Variants in GPBP1 observed in about 807,000 individuals in gnomAD.
GPBP1 encodes the protein GC-rich promoter binding protein 1, also known as vasculin.
In GPBP1, 13 loss-of-function variants were observed where a neutral mutation model predicts 56.5. The observed-to-expected ratio is 0.23, with a 90% CI of 0.15 to 0.37. The LOEUF (loss-of-function observed/expected upper bound fraction) is 0.37, where lower values mean the gene tolerates loss of function less well. Among genes scored for constraint, GPBP1 ranks in the 10% least tolerant of loss-of-function variants. The pLI, the probability that GPBP1 is intolerant of heterozygous loss-of-function variation, is 1.00. For missense variants in GPBP1, 477 were observed against 572.3 expected, an observed-to-expected ratio of 0.83 and a Z score of 1.70; for synonymous variants, 204 against 188.9, an observed-to-expected ratio of 1.08 and a Z score of -0.66.
intron 2 of GPBP1, among the ~76,000 whole-genome samples, chr5:57,197,095 GTA>G (rs1754798160): frequency 6.6e-6 from 1 of 151,580 alleles, no homozygotes; most frequent in Non-Finnish European, 1.5e-5. Context: ...TTGAATTTTA[GTA>G]GAGACAGCGT....
intron 10 of GPBP1, among the ~76,000 whole-genome samples, chr5:57,253,749 G>T (rs1354997462): frequency 6.6e-6 from 1 of 151,702 alleles, no homozygotes; most frequent in East Asian, 1.9e-4. Flanking sequence ...TATTTCTCCT[G>T]CCAAGGGTTA....
intron 9 of GPBP1, 90 bp downstream of exon 9, chr5:57,249,666 C>T: frequency 9.5e-7 from 1 of 1,056,038 alleles, no homozygotes; most frequent in Non-Finnish European, 1.3e-6. Context: ...ACATTTGAAT[C>T]ATTTCCTTGG....
intron 2 of GPBP1, among the ~76,000 whole-genome samples, chr5:57,212,023 A>T (rs1387521246): frequency 6.6e-6 from 1 of 151,766 alleles, no homozygotes; most frequent in East Asian, 1.9e-4. Flanking sequence ...TGCAACCTCC[A>T]CTTCCCAGGT....
chr5:57,220,863 G>A (rs575032825), intron 3 of GPBP1, among the ~76,000 whole-genome samples: 2 of 152,004 alleles, frequency 1.3e-5, no homozygotes, highest in African/African-American at 2.4e-5. Flanking sequence ...TACCTTTTCT[G>A]TCTTATTCTT....
chr5:57,179,375 G>A (rs934240841), intron 2 of GPBP1, among the ~76,000 whole-genome samples: 1 of 151,880 alleles, frequency 6.6e-6, no homozygotes, highest in Non-Finnish European at 1.5e-5. Flanking sequence ...TTGAGACAGG[G>A]TCTCGCTCTC....
chr5:57,251,183 T>C (rs1214832511), intron 10 of GPBP1, 42 bp downstream of exon 10: 1 of 1,481,952 alleles, frequency 6.7e-7, no homozygotes, highest in African/African-American at 1.4e-5. Context: ...TTTTCTGTAT[T>C]CGAGATTTCA....
At chr5:57,179,379 C>T (rs1051404180) in intron 2 of GPBP1, among the ~76,000 whole-genome samples, 3 of 152,004 alleles carry the variant, frequency 2.0e-5, no homozygotes, top group Non-Finnish European at 4.4e-5. Context: ...GACAGGGTCT[C>T]GCTCTCTCAC....
rs1741952344 is a variant in GPBP1, at chr5:57,262,650, CT to C, written c.1322del (p.Phe441SerfsTer54). On this transcript the variant is annotated frameshift_variant, in exon 12 of 12. Transcript: ENST00000506184. LOFTEE classifies it high-confidence loss of function. ...GILKNGLICD[F>X]KFGPWKNSTF... ...TTTTGAAAAATGGCTTGATCTGTGA[CT>C]TCAAGTTTGGACCGTGGAAGAACAG... The C allele has an allele frequency of 6.2e-7, 1 of 1,613,458 alleles. No homozygotes were observed. Among genetic ancestry groups the C allele is most frequent in the Admixed American group, 1.7e-5 (1 of 59,962 alleles).
At chr5:57,252,020 G>GT (rs1013690678) in intron 10 of GPBP1, among the ~76,000 whole-genome samples, 2 of 152,138 alleles carry the variant, frequency 1.3e-5, no homozygotes, top group African/African-American at 2.4e-5. Context: ...TTACTAAGTT[G>GT]TAAGAGTTCT....
At chr5:57,183,071 T>TAATA (rs1561320315) in intron 2 of GPBP1, among the ~76,000 whole-genome samples, 1 of 152,074 alleles carries the variant, frequency 6.6e-6, no homozygotes. Context: ...AATAAGTTTT[T>TAATA]AAAACTCTTA....
chr5:57,203,496 AG>A (rs1755104183), intron 2 of GPBP1, among the ~76,000 whole-genome samples: 1 of 152,128 alleles, frequency 6.6e-6, no homozygotes, highest in Non-Finnish European at 1.5e-5. Context: ...AAATTTAGCC[AG>A]GCCCATGTGG....
intron 2 of GPBP1, among the ~76,000 whole-genome samples, chr5:57,178,774 C>T (rs1001874051): frequency 6.6e-6 from 1 of 152,134 alleles, no homozygotes; most frequent in Non-Finnish European, 1.5e-5. Context: ...ATAGTTGCAT[C>T]CGTTGGTAAT....
intron 2 of GPBP1, among the ~76,000 whole-genome samples, chr5:57,179,620 A>AC (rs1753952775): frequency 6.6e-6 from 1 of 152,012 alleles, no homozygotes; most frequent in African/African-American, 2.4e-5. Flanking sequence ...TTTTTGAGAC[A>AC]GAGTTTCGCA....
intron 10 of GPBP1, among the ~76,000 whole-genome samples, chr5:57,257,553 T>TA (rs1444609644): frequency 2.0e-5 from 3 of 152,210 alleles, no homozygotes; most frequent in Non-Finnish European, 4.4e-5. Context: ...GGTTTGGGGA[T>TA]AGAGATCATT....
rs143651098 is a variant in GPBP1, at chr5:57,251,479, C to T, written c.1160+338C>T. The stretch of plus-strand genomic sequence containing the variant: ...TCAAGTTTTATTTGCATTGTAAGCA[C>T]GTCAGTACTTTGTTCCTTTTTATTG... On this transcript the variant is annotated intron_variant, in intron 10 of 11. Coordinates refer to ENST00000506184, the MANE Select transcript of GPBP1 (RefSeq NM_022913.4). Among the ~76,000 whole-genome samples the T allele has an allele frequency of 3.2e-3, 490 of 151,972 alleles. 4 individuals carry two copies. The highest frequency in any genetic ancestry group is 0.011 in the African/African-American group (464 of 41,464).
intron 10 of GPBP1, among the ~76,000 whole-genome samples, chr5:57,255,198 CTCCCCTTCTCTT>C (rs966305937): frequency 5.0e-5 from 6 of 120,716 alleles, no homozygotes; most frequent in African/African-American, 1.9e-4. Flanking sequence ...TCTCTCTTCT[CTCCCCTTCTCTT>C]TCCCTTTCTC....
At chr5:57,237,158 A>G in intron 6 of GPBP1, 1 of 1,548,310 alleles carries the variant, frequency 6.5e-7, no homozygotes, top group Non-Finnish European at 8.7e-7. Flanking sequence ...AAAATCTCCC[A>G]AGCTCCTCTC....
At position 57,262,979 on chromosome 5, in the gene GPBP1, A is replaced by G. The variant is rs534819333; in HGVS notation, c.*227A>G. 1.9e-5 allele frequency: 7 copies of G among 373,008 alleles called. No individual in the cohort carries two copies. The highest frequency in any genetic ancestry group is 1.4e-4 in the South Asian group (2 of 14,042). The allele number at this position is 373,008 out of a possible 1,614,324, so 23.1% of individuals were successfully genotyped here. On this transcript the variant is annotated 3_prime_UTR_variant, in exon 12 of 12. Coordinates refer to ENST00000506184, the MANE Select transcript of GPBP1 (RefSeq NM_022913.4). The stretch of plus-strand genomic sequence containing the variant: ...AGGAATGAGGACTTGGGTTGGTCCA[A>G]CATTGACTTTCTTCATCACTGCAAC...
intron 8 of GPBP1, among the ~76,000 whole-genome samples, chr5:57,248,676 C>T (rs925536298): frequency 5.3e-5 from 8 of 152,034 alleles, no homozygotes; most frequent in Non-Finnish European, 1.0e-4. Context: ...CCTCGTGATC[C>T]GCCCGCCTCG....
Sources: allele counts gnomAD v4.1 joint callset (sites outside exome capture counted in the v4.1 genomes callset), GRCh38; gene constraint gnomAD v4.1.1; transcripts MANE v1.5; gene names NCBI Gene and HGNC (gene_info 2026-07-23, HGNC 2026-07-21).